Variants in SCUBE1 observed in about 807,000 individuals in gnomAD.
SCUBE1 encodes the protein signal peptide, CUB domain and EGF like domain containing 1, also known as signal peptide, CUB and EGF-like domain-containing protein 1.
In SCUBE1, 59 loss-of-function variants were observed where a neutral mutation model predicts 124.4. That is an observed-to-expected ratio of 0.47 (90% CI 0.38 to 0.59). The LOEUF is 0.59. SCUBE1 is among the 20% of genes least tolerant of loss of function. SCUBE1 has a pLI of 0.00. For missense variants in SCUBE1, 1,150 were observed against 1,371.2 expected (o/e 0.84, Z 2.55); for synonymous variants, 545 against 550.9 (o/e 0.99, Z 0.15).
At chr22:43,263,649 C>T (rs1923956192) in intron 4 of SCUBE1, among the ~76,000 whole-genome samples, 3 of 152,164 alleles carry the variant, frequency 2.0e-5, no homozygotes, top group Admixed American at 2.0e-4. Context: ...TATGCAGCAA[C>T]ACAGAATAGA....
rs774713052 is a variant in SCUBE1 at position 43,220,534 on chromosome 22, G to A, written c.1603C>T (p.Arg535Cys). The A allele has an allele frequency of 2.6e-5, 42 of 1,613,988 alleles. No homozygotes were observed. The highest frequency in any genetic ancestry group is 4.0e-5 in the African/African-American group (3 of 74,936). Reference sequence around the variant, plus strand: ...TTGGATGGGGACTTGCGGCCACGGCGCCTCTTCTTGGAGGAGTCACACTTG... The same window carrying A: ...TTGGATGGGGACTTGCGGCCACGGCACCTCTTCTTGGAGGAGTCACACTTG... Reference protein sequence around the residue: ...TLKCDSSKKRRRGRKSPSKEV... With the variant: ...TLKCDSSKKRCRGRKSPSKEV... Residue 535 changes from arginine to cysteine, a missense_variant, in exon 14 of 22, where the codon CGC becomes TGC. By Grantham distance (180) the Arg-to-Cys change is radical (BLOSUM62 -3). This residue lies in a region of SCUBE1 where 757 missense variants were observed against 840.9 expected (regional missense o/e 0.90). Coordinates refer to ENST00000360835, the MANE Select transcript of SCUBE1 (RefSeq NM_173050.5).
At chr22:43,223,967 C>T (rs1922205872) in intron 10 of SCUBE1, among the ~76,000 whole-genome samples, 1 of 152,218 alleles carries the variant, frequency 6.6e-6, no homozygotes. Context: ...CCCAACCTGC[C>T]TGGAATAAGC....
chr22:43,207,644 G>A, intron 20 of SCUBE1, 31 bp from the exon 21 acceptor site: 5 of 1,578,738 alleles, frequency 3.2e-6, no homozygotes, highest in East Asian at 2.2e-5. Flanking sequence ...GGGAGAGGAA[G>A]GCGAGGGGCT....
Position 43,234,542 on chromosome 22 carries a change from G to A in SCUBE1, c.845-2667C>T, listed in dbSNP as rs374768052. ...GCAGAGGGAGGCATGTCTGCCTGAGGCCCGGGCTGGTGTAGCTGGCTGCCT... is the reference window on the plus strand; with the variant it reads ...GCAGAGGGAGGCATGTCTGCCTGAGACCCGGGCTGGTGTAGCTGGCTGCCT... On this transcript the variant is annotated intron_variant, in intron 7 of 21. Transcript: ENST00000360835. This position sits in a 1 kb window ranked among gnomAD's most constrained non-coding sequence, Gnocchi z 4.4. Among the ~76,000 whole-genome samples the A allele has an allele frequency of 7.2e-5, 11 of 152,294 alleles. No individual in the cohort carries two copies. The highest frequency in any genetic ancestry group is 2.6e-4 in the African/African-American group (11 of 41,570).
At chr22:43,250,212 C>G (rs1569506733) in intron 6 of SCUBE1, among the ~76,000 whole-genome samples, 1 of 152,242 alleles carries the variant, frequency 6.6e-6, no homozygotes, top group Non-Finnish European at 1.5e-5. Context: ...GAAGCTTTTC[C>G]CTCTCCTCTG....
intron 3 of SCUBE1, among the ~76,000 whole-genome samples, chr22:43,305,711 C>CG (rs1277502011): frequency 1.3e-5 from 2 of 152,138 alleles, no homozygotes; most frequent in Admixed American, 6.5e-5. Context: ...GCCTCCACCA[C>CG]GGGTGGGTCC....
chr22:43,308,740 C>T (rs945092603), intron 3 of SCUBE1, among the ~76,000 whole-genome samples: 5 of 152,186 alleles, frequency 3.3e-5, no homozygotes, highest in African/African-American at 9.7e-5. Flanking sequence ...CAGGCCCCAT[C>T]GGGAGTCCCC....
intron 3 of SCUBE1, among the ~76,000 whole-genome samples, chr22:43,319,276 G>A (rs1780403335): frequency 3.3e-5 from 5 of 152,030 alleles, no homozygotes; most frequent in Admixed American, 3.3e-4. Flanking sequence ...AGGGCCAGGC[G>A]CAGTGGCTGG....
At chr22:43,322,383 C>T (rs1006385595) in intron 2 of SCUBE1, among the ~76,000 whole-genome samples, 2 of 152,294 alleles carry the variant, frequency 1.3e-5, no homozygotes, top group South Asian at 2.1e-4. Flanking sequence ...ACCACCTCTT[C>T]CCCTGGGTAT....
At chr22:43,246,530 C>T (rs1037069908) in intron 6 of SCUBE1, among the ~76,000 whole-genome samples, 9 of 152,232 alleles carry the variant, frequency 5.9e-5, no homozygotes, top group Non-Finnish European at 8.8e-5. Context: ...GGAGGCAGAG[C>T]TATCACCTGC....
At chr22:43,330,179 T>G (rs377044100) in intron 2 of SCUBE1, among the ~76,000 whole-genome samples, 1 of 152,132 alleles carries the variant, frequency 6.6e-6, no homozygotes, top group East Asian at 1.9e-4. Context: ...AGGCAGGTGT[T>G]GTGGCTCCCA....
chr22:43,281,457 C>CCTCAGTCACCCTCCTGTCACCTCCCTT (rs1924858662), intron 4 of SCUBE1, among the ~76,000 whole-genome samples: 1 of 61,870 alleles, frequency 1.6e-5, no homozygotes, highest in African/African-American at 1.2e-4. Context: ...CTGTCATCTC[C>CCTCAGTCACCCTCCTGTCACCTCCCTT]CTCAGCCACC....
In SCUBE1 at chr22:43,239,047, C is replaced by G. The variant is rs759952040; in HGVS notation, c.728-93G>C. 6 of 998,624 alleles carry G rather than the reference C, an allele frequency of 6.0e-6. No individual in the cohort carries two copies. The South Asian group carries it at 8.7e-5, about 14-fold the overall frequency. 61.9% of individuals were successfully genotyped at this position (998,624 alleles called of 1,614,324 possible). On this transcript the variant is annotated intron_variant, in intron 6 of 21. Transcript: ENST00000360835. ...GAAAGATCTTCTATGAGACAGGAGA[C>G]GAGACCCGGGTTCAAGCTCTGGCTC... is the stretch of plus-strand genomic sequence containing the variant.
intron 16 of SCUBE1, 44 bp downstream of exon 16, chr22:43,214,046 C>CCGGGGGGGGGGGGGGGGGGGGGGGGGGGG: frequency 1.9e-5 from 8 of 422,702 alleles, no homozygotes; most frequent in Non-Finnish European, 2.5e-5. Flanking sequence ...GAGGAGCCCC[C>CCGGGGGGGGGGGGGGGGGGGGGGGGGGGG]GCCCACCCCC....
chr22:43,296,736 GA>G (rs1196454463), intron 3 of SCUBE1, among the ~76,000 whole-genome samples: 2 of 152,078 alleles, frequency 1.3e-5, no homozygotes, highest in Non-Finnish European at 2.9e-5. Context: ...TTGTGCCATC[GA>G]ACCGCCGGAG....
rs1453720456 is a variant in SCUBE1 at position 43,208,860 on chromosome 22, A to G, written c.2582-636T>C. 2.0e-5 allele frequency among the ~76,000 whole-genome samples: 3 copies of G among 152,202 alleles called. No individual in the cohort carries two copies. In the East Asian group the frequency reaches 5.8e-4, roughly 29 times the overall value. On this transcript the variant is annotated intron_variant, in intron 19 of 21. Coordinates refer to ENST00000360835, the MANE Select transcript of SCUBE1 (RefSeq NM_173050.5). ...GACACGGTGACAGTGGGAGCACCCC[A>G]GCCCTGCCCAGCCTCTCCCCGCTTA...
Position 43,258,717 on chromosome 22 carries a change from T to C in SCUBE1, c.611-382A>G, listed in dbSNP as rs1923760326. On this transcript the variant is annotated intron_variant, in intron 5 of 21. Coordinates refer to ENST00000360835, the MANE Select transcript of SCUBE1 (RefSeq NM_173050.5). The surrounding 1 kb of genome is among the most constrained non-coding windows in gnomAD (Gnocchi z 5.0). The stretch of plus-strand genomic sequence containing the variant: ...GCAAATGTTTGCCAATGCCAGGACA[T>C]ACTTGTCAAGCTGTCGGGGGAGGGA... Among the ~76,000 whole-genome samples, 2 of 152,206 alleles carry C rather than the reference T, an allele frequency of 1.3e-5. No individual in the cohort carries two copies. The highest frequency in any genetic ancestry group is 2.4e-5 in the African/African-American group (1 of 41,446).
intron 2 of SCUBE1, among the ~76,000 whole-genome samples, chr22:43,336,749 G>A (rs1927094563): frequency 6.6e-6 from 1 of 152,252 alleles, no homozygotes; most frequent in South Asian, 2.1e-4. Context: ...TAGCATGCAT[G>A]TGTGTGCACG....
intron 2 of SCUBE1, among the ~76,000 whole-genome samples, chr22:43,328,653 G>A (rs1307231269): frequency 6.6e-6 from 1 of 152,204 alleles, no homozygotes; most frequent in Non-Finnish European, 1.5e-5. Context: ...TTGAACTCAA[G>A]GCTCTCAGCT....
Sources: gnomAD v4.1 joint callset for allele counts (sites outside exome capture counted in the v4.1 genomes callset) on GRCh38, gnomAD v4.1.1 for gene constraint, gnomAD v4.1.1 regional missense constraint, Gnocchi (gnomAD v3.1) non-coding constraint, MANE v1.5 for transcripts, NCBI Gene and HGNC (gene_info 2026-07-23, HGNC 2026-07-21) for gene names.